TTC34: variants seen among roughly 807,000 people sequenced by gnomAD.
TTC34 encodes tetratricopeptide repeat domain 34.
TTC34 carries 44 observed loss-of-function variants against 40.7 expected under a neutral mutation model. The ratio of observed to expected loss-of-function variants is 1.08; its 90% confidence interval spans 0.85 to 1.39. TTC34 has a LOEUF of 1.39. TTC34 is among the 40% of genes most tolerant of loss of function. The pLI, the probability that TTC34 is intolerant of heterozygous loss-of-function variation, is 0.00. For synonymous variants in TTC34, 422 were observed against 398.6 expected, an observed-to-expected ratio of 1.06 and a Z score of -0.70; for missense variants, 884 against 838.0, an observed-to-expected ratio of 1.05 and a Z score of -0.68.
chr1:2,749,645 C>A lies in TTC34; in HGVS notation c.2226+33964G>T, dbSNP rs1287838158. Among the ~76,000 whole-genome samples the A allele has an allele frequency of 2.2e-3, 252 of 114,754 alleles. 48 individuals are homozygous for A. The highest frequency in any genetic ancestry group is 0.01 in the African/African-American group (241 of 23,094). 75.3% of individuals were successfully genotyped at this position (114,754 alleles called of 152,430 possible). A position where few individuals can be genotyped will look rare whatever the true frequency, so the allele number is the denominator to read the frequency against. On this transcript the variant is annotated intron_variant, in intron 6 of 8. Transcript: ENST00000401095. ...GATGGTCTGGAGCAGCCCCCACACC[C>A]AGAGGTGAGCATCCGACAGCCTGGA...
In TTC34 at chr1:2,779,711, G is replaced by T. The variant is rs1177028145; in HGVS notation, c.2226+3898C>A. On this transcript the variant is annotated intron_variant, in intron 6 of 8. Transcript: ENST00000401095. Reference sequence around the variant, plus strand: ...TTACCTTCCCACCAATAGTGCAGAAGGTTCCAGTTTCTTCACATCCTCACC... The same window carrying T: ...TTACCTTCCCACCAATAGTGCAGAATGTTCCAGTTTCTTCACATCCTCACC... Among the ~76,000 whole-genome samples the T allele has an allele frequency of 2.6e-5, 4 of 152,168 alleles. No homozygotes were observed. The South Asian group carries it at 8.3e-4, about 32-fold the overall frequency.
exon 8 of TTC34, chr1:2,644,419 C>G: frequency 1.3e-6 from 2 of 1,536,052 alleles, no homozygotes; most frequent in Non-Finnish European, 1.7e-6. Flanking sequence ...CGGGCTGCCT[C>G]TGACGTTGGG....
chr1:2,786,552 C>T (rs985029641), intron 4 of TTC34, among the ~76,000 whole-genome samples: 48 of 152,158 alleles, frequency 3.2e-4, no homozygotes, highest in African/African-American at 1.1e-3. Context: ...TCAGGGTTCC[C>T]GAGCCTAGGA....
In TTC34 at chr1:2,750,399, G is replaced by A. The variant is rs1346411758; in HGVS notation, c.2226+33210C>T. Among the ~76,000 whole-genome samples the A allele has an allele frequency of 6.5e-4, 13 of 20,084 alleles. 2 individuals carry two copies. Among genetic ancestry groups the A allele is most frequent in the South Asian group, 6.3e-3 (4 of 634 alleles). The allele number at this position is 20,084 out of a possible 152,430, so 13.2% of individuals were successfully genotyped here. Reference sequence around the variant, plus strand: ...AGCATCTGACAGCCTGGAACAGCACGCACACCCCCAGGTGCGCACGTGACA... The same window carrying A: ...AGCATCTGACAGCCTGGAACAGCACACACACCCCCAGGTGCGCACGTGACA... On this transcript the variant is annotated intron_variant, in intron 6 of 8. Transcript: ENST00000401095.
rs1569614672 is a variant in TTC34, at chr1:2,694,625, C to A, written c.2227-49062G>T. ...AGCATCTGAAACCACGGAGCAGCAC[C>A]CACACCTCCCGGCGAGCATCTGACG... On this transcript the variant is annotated intron_variant, in intron 6 of 8. Transcript: ENST00000401095. Among the ~76,000 whole-genome samples the A allele has an allele frequency of 2.4e-5, 2 of 85,052 alleles. 1 individual carries two copies. Among genetic ancestry groups the A allele is most frequent in the South Asian group, 6.9e-4 (2 of 2,914 alleles). The allele number at this position is 85,052 out of a possible 152,430, so 55.8% of individuals were successfully genotyped here.
Position 2,684,981 on chromosome 1 carries a change from T to C in TTC34, c.2227-39418A>G. 1.4e-5 allele frequency among the ~76,000 whole-genome samples: 2 copies of C among 139,910 alleles called. 1 individual carries two copies. The highest frequency in any genetic ancestry group is 5.8e-5 in the African/African-American group (2 of 34,380). The allele number at this position is 139,910 out of a possible 152,430, so 91.8% of individuals were successfully genotyped here. On this transcript the variant is annotated intron_variant, in intron 6 of 8. Transcript: ENST00000401095. ...ACCCCCAGACGAGCATCTGACAGCT[T>C]AGAACAGCACCCATACCCCCAGGCG...
In TTC34 at chr1:2,786,485, T is replaced by A. The variant is rs1171983963; in HGVS notation, c.1855-462A>T. Among the ~76,000 whole-genome samples the A allele has an allele frequency of 2.6e-5, 4 of 152,160 alleles. 1 individual carries two copies. The South Asian group carries it at 6.2e-4, about 24-fold the overall frequency. On this transcript the variant is annotated intron_variant, in intron 4 of 8. Coordinates refer to ENST00000401095, the Ensembl canonical transcript of TTC34. ...GTAGGGAGGGGAGTCGTGAGCCCGCTCTGGGCTGCAGTCTGAGCCGCATCT... is the reference window on the plus strand; with the variant it reads ...GTAGGGAGGGGAGTCGTGAGCCCGCACTGGGCTGCAGTCTGAGCCGCATCT...
Position 2,751,955 on chromosome 1 carries a change from G to A in TTC34, c.2226+31654C>T, listed in dbSNP as rs1282705561. On this transcript the variant is annotated intron_variant, in intron 6 of 8. Transcript: ENST00000401095. ...CCACAGGTGAACATCGGAGAGTCTGGAGCAGCGCCCACACCCCCAGGCGAG... is the reference window on the plus strand; with the variant it reads ...CCACAGGTGAACATCGGAGAGTCTGAAGCAGCGCCCACACCCCCAGGCGAG... Among the ~76,000 whole-genome samples the A allele has an allele frequency of 6.2e-5, 7 of 113,474 alleles. 3 individuals carry two copies. The highest frequency in any genetic ancestry group is 6.4e-4 in the East Asian group (2 of 3,108). The allele number at this position is 113,474 out of a possible 152,430, so 74.4% of individuals were successfully genotyped here. A position where few individuals can be genotyped will look rare whatever the true frequency, so the allele number is the denominator to read the frequency against.
chr1:2,750,234 G>A (rs1641270310), intron 6 of TTC34, among the ~76,000 whole-genome samples: 3 of 151,994 alleles, frequency 2.0e-5, no homozygotes, highest in Non-Finnish European at 2.9e-5. Flanking sequence ...GTCTGGAGCA[G>A]CACCCACACC....
chr1:2,768,388 C>A (rs1274277752), intron 6 of TTC34, among the ~76,000 whole-genome samples: 1 of 151,916 alleles, frequency 6.6e-6, no homozygotes, highest in African/African-American at 2.4e-5. Context: ...ACAAGGTGAG[C>A]ATATGACAGC....
At chr1:2,676,906 C>T (rs1209394168) in intron 6 of TTC34, among the ~76,000 whole-genome samples, 26 of 130,698 alleles carry the variant, frequency 2.0e-4, no homozygotes, top group East Asian at 6.9e-4. Flanking sequence ...GAGCATCTGA[C>T]AGCCTGGAGC....
At chr1:2,751,361 C>G (rs1162098587) in intron 6 of TTC34, among the ~76,000 whole-genome samples, 393 of 129,732 alleles carry the variant, frequency 3.0e-3, no homozygotes, top group East Asian at 6.3e-3. Context: ...GGGTCGGCAC[C>G]CACACCCCCA....
rs543397936 is a variant in TTC34, at chr1:2,699,419, G to T, written c.2227-53856C>A. Among the ~76,000 whole-genome samples the T allele has an allele frequency of 4.9e-5, 5 of 101,468 alleles. No homozygotes were observed. The South Asian group carries it at 1.6e-3, about 32-fold the overall frequency. 66.6% of individuals were successfully genotyped at this position (101,468 alleles called of 152,430 possible). ...CTGGAACAGCACCCCACACCCCAAG[G>T]TGAGTATCTGACAGCCTGGAACATC... is the stretch of plus-strand genomic sequence containing the variant. On this transcript the variant is annotated intron_variant, in intron 6 of 8. Coordinates refer to ENST00000401095, the Ensembl canonical transcript of TTC34.
rs1641265900 is a variant in TTC34, at chr1:2,750,085, C to A, written c.2226+33524G>T. ...TGACAGCCTGGAGCAGCAGGCACAC[C>A]CCCAGTGAGCATCTGACAGCCTGGA... is the stretch of plus-strand genomic sequence containing the variant. On this transcript the variant is annotated intron_variant, in intron 6 of 8. Transcript: ENST00000401095. Among the ~76,000 whole-genome samples, 3 of 136,722 alleles carry A rather than the reference C, an allele frequency of 2.2e-5. 1 individual carries two copies. The highest frequency in any genetic ancestry group is 3.1e-5 in the Non-Finnish European group (2 of 64,756). The allele number at this position is 136,722 out of a possible 152,430, so 89.7% of individuals were successfully genotyped here. A position where few individuals can be genotyped will look rare whatever the true frequency, so the allele number is the denominator to read the frequency against.
chr1:2,682,704 CACACA>C (rs1557605589), intron 6 of TTC34, among the ~76,000 whole-genome samples: 125 of 135,890 alleles, frequency 9.2e-4, no homozygotes, highest in Non-Finnish European at 1.5e-3. Flanking sequence ...GAGCAGCACC[CACACA>C]CCCAGGTGAG....
chr1:2,690,689 A>T (rs1380384410), intron 6 of TTC34, among the ~76,000 whole-genome samples: 1 of 100,648 alleles, frequency 9.9e-6, no homozygotes, highest in African/African-American at 3.5e-5. Flanking sequence ...AGCCTGGAAG[A>T]GCACCCCACA....
intron 6 of TTC34, among the ~76,000 whole-genome samples, chr1:2,754,836 A>AC (rs1641451903): frequency 6.7e-6 from 1 of 149,110 alleles, no homozygotes; most frequent in Non-Finnish European, 1.5e-5. Context: ...TGAGCATCTG[A>AC]CAGACTGGAA....
intron 6 of TTC34, among the ~76,000 whole-genome samples, chr1:2,649,909 C>T (rs1639094167): frequency 6.7e-6 from 1 of 148,492 alleles, no homozygotes; most frequent in South Asian, 2.1e-4. Flanking sequence ...CTTCTGACAG[C>T]CTGGAATGGC....
chr1:2,768,478 A>G (rs1193384442), intron 6 of TTC34, among the ~76,000 whole-genome samples: 2 of 150,360 alleles, frequency 1.3e-5, no homozygotes, highest in African/African-American at 2.5e-5. Context: ...AGAATTTGAT[A>G]AGTGGGGAAA....
Sources: allele counts gnomAD v4.1 joint callset (sites outside exome capture counted in the v4.1 genomes callset), GRCh38; gene constraint gnomAD v4.1.1; transcripts MANE v1.5; gene names NCBI Gene and HGNC (gene_info 2026-07-23, HGNC 2026-07-21).